The following KLHL29 variants were observed in gnomAD, a reference collection of about 807,000 sequenced individuals.
KLHL29 encodes kelch-like protein 29.
KLHL29 carries 21 observed loss-of-function variants against 80.4 expected under a neutral mutation model. The observed-to-expected ratio is 0.26, with a 90% confidence interval of 0.19 to 0.38. The LOEUF is 0.38. KLHL29 is among the 10% of genes least tolerant of loss of function. The pLI is 1.00. For missense variants in KLHL29, 867 were observed against 1,223.9 expected (o/e 0.71, Z 4.35); for synonymous variants, 511 against 526.8 (o/e 0.97, Z 0.41).
intron 1 of KLHL29, among the ~76,000 whole-genome samples, chr2:23,427,641 G>A (rs1438614199): frequency 1.3e-5 from 2 of 152,200 alleles, no homozygotes; most frequent in Non-Finnish European, 2.9e-5. Context: ...GATGGCTCAT[G>A]TGGTCAGGCG....
chr2:23,581,296 C>A (rs1378478517), intron 3 of KLHL29, among the ~76,000 whole-genome samples: 3 of 152,278 alleles, frequency 2.0e-5, no homozygotes, highest in South Asian at 2.1e-4. Flanking sequence ...TCCTTCCCAC[C>A]GTTTTGAACA....
intron 2 of KLHL29, among the ~76,000 whole-genome samples, chr2:23,528,254 C>CGCACAGAT (rs1244219999): frequency 6.6e-6 from 1 of 152,104 alleles, no homozygotes; most frequent in African/African-American, 2.4e-5. Context: ...AAAATTCCAT[C>CGCACAGAT]GCACAGATGG....
intron 2 of KLHL29, among the ~76,000 whole-genome samples, chr2:23,509,313 G>A (rs1665702085): frequency 6.6e-6 from 1 of 152,220 alleles, no homozygotes; most frequent in Non-Finnish European, 1.5e-5. Flanking sequence ...GCTGTAATGT[G>A]GGTGGGGTGA....
intron 5 of KLHL29, among the ~76,000 whole-genome samples, chr2:23,654,176 A>G (rs1025827307): frequency 1.3e-5 from 2 of 149,650 alleles, no homozygotes; most frequent in African/African-American, 2.5e-5. Flanking sequence ...CAAAAAATAA[A>G]TTTAAAAAAA....
At chr2:23,694,729 TTC>T (rs1378315912) in intron 8 of KLHL29, among the ~76,000 whole-genome samples, 2 of 152,298 alleles carry the variant, frequency 1.3e-5, no homozygotes, top group Admixed American at 1.3e-4. Flanking sequence ...CTACACGGGC[TTC>T]GAATGTCCAC....
intron 1 of KLHL29, among the ~76,000 whole-genome samples, chr2:23,444,183 G>A (rs1038220781): frequency 7.9e-5 from 12 of 152,248 alleles, no homozygotes; most frequent in African/African-American, 1.4e-4. Context: ...AGGGATGCTC[G>A]TTCTAAGGCC....
At chr2:23,533,691 A>T (rs1041795998) in intron 2 of KLHL29, among the ~76,000 whole-genome samples, 2 of 152,162 alleles carry the variant, frequency 1.3e-5, no homozygotes, top group Admixed American at 1.3e-4. Flanking sequence ...CTCTCCCGGG[A>T]CTAACAGTGT....
intron 2 of KLHL29, among the ~76,000 whole-genome samples, chr2:23,553,838 C>T (rs983015664): frequency 1.3e-5 from 2 of 152,170 alleles, no homozygotes; most frequent in Non-Finnish European, 1.5e-5. Context: ...GTGGAGGAAA[C>T]GAAGGGGGAA....
intron 3 of KLHL29, among the ~76,000 whole-genome samples, chr2:23,581,840 A>AAAAAAC (rs1667991642): frequency 6.6e-6 from 1 of 151,694 alleles, no homozygotes; most frequent in African/African-American, 2.4e-5. Context: ...AAAAAAAAAA[A>AAAAAAC]AAAAAACTTT....
At chr2:23,396,090 C>T (rs1025522912) in intron 1 of KLHL29, among the ~76,000 whole-genome samples, 1 of 152,218 alleles carries the variant, frequency 6.6e-6, no homozygotes, top group Non-Finnish European at 1.5e-5. Context: ...TCTAGAATCC[C>T]TCATCAGTGA....
intron 2 of KLHL29, among the ~76,000 whole-genome samples, chr2:23,519,002 G>C (rs944812798): frequency 6.6e-6 from 1 of 152,060 alleles, no homozygotes; most frequent in Non-Finnish European, 1.5e-5. Context: ...TGCTCTGTGG[G>C]CCTAGTGAGG....
At chr2:23,668,927 C>G (rs945918465) in intron 5 of KLHL29, 1 of 152,332 alleles carries the variant, frequency 6.6e-6, no homozygotes, top group African/African-American at 2.4e-5. Flanking sequence ...TGTGGGAGCC[C>G]AGAGAGCCCG....
intron 3 of KLHL29, among the ~76,000 whole-genome samples, chr2:23,629,086 C>A (rs1293901578): frequency 2.6e-5 from 4 of 152,238 alleles, no homozygotes; most frequent in African/African-American, 9.6e-5. Flanking sequence ...GCGGCGGGGC[C>A]TCTGAGCAGG....
Position 23,642,858 on chromosome 2 carries a change from C to CT in KLHL29, c.940+9dup. 1 of 1,550,298 alleles carries CT rather than the reference C, an allele frequency of 6.5e-7. No homozygotes were observed. The highest frequency in any genetic ancestry group is 8.7e-7 in the Non-Finnish European group (1 of 1,146,834). On this transcript the variant is annotated intron_variant, in intron 5 of 13. Transcript: ENST00000486442. The stretch of plus-strand genomic sequence containing the variant: ...ACCCGGGGCACCCCAGAGGTAAGTC[C>CT]TGCTGCCACGTGCCTCCCCACGGGC...
intron 3 of KLHL29, among the ~76,000 whole-genome samples, chr2:23,623,343 C>G (rs1177000266): frequency 6.6e-6 from 1 of 152,176 alleles, no homozygotes; most frequent in South Asian, 2.1e-4. Flanking sequence ...ACGTTAGTGG[C>G]AGGAGGACAG....
At chr2:23,540,197 C>A (rs1029326258) in intron 2 of KLHL29, among the ~76,000 whole-genome samples, 1 of 152,246 alleles carries the variant, frequency 6.6e-6, no homozygotes, top group Non-Finnish European at 1.5e-5. Context: ...CCCAGCCCCC[C>A]AGAAGTGGTC....
intron 1 of KLHL29, among the ~76,000 whole-genome samples, chr2:23,456,232 A>G (rs1423356061): frequency 6.6e-6 from 1 of 152,204 alleles, no homozygotes; most frequent in African/African-American, 2.4e-5. Context: ...AGGAGCCAGT[A>G]TCCTCCCCAT....
At chr2:23,661,129 C>T (rs1331834138) in intron 5 of KLHL29, among the ~76,000 whole-genome samples, 1 of 152,088 alleles carries the variant, frequency 6.6e-6, no homozygotes, top group Non-Finnish European at 1.5e-5. Context: ...TCACTTGAAG[C>T]CAGGAGTTTA....
At position 23,436,899 on chromosome 2, in the gene KLHL29, A is replaced by T. The variant is rs561612961; in HGVS notation, c.-153-38661A>T. On this transcript the variant is annotated intron_variant, in intron 1 of 13. Transcript: ENST00000486442. ...TTATTCCCTTGCAGTTGCTAGGAGC[A>T]TTGCAGACCAGAAGGAAGGAAATGG... Among the ~76,000 whole-genome samples, 103 of 152,322 alleles carry T rather than the reference A, an allele frequency of 6.8e-4. 1 individual carries two copies. Among genetic ancestry groups the T allele is most frequent in the African/African-American group, 2.2e-3 (92 of 41,576 alleles).
Sources: allele counts gnomAD v4.1 joint callset (sites outside exome capture counted in the v4.1 genomes callset), GRCh38; gene constraint gnomAD v4.1.1; transcripts MANE v1.5; gene names NCBI Gene and HGNC (gene_info 2026-07-23, HGNC 2026-07-21).